Variants in FMN1 observed in about 807,000 individuals in gnomAD.
FMN1 encodes the protein formin 1.
Under a neutral mutation model 132.4 loss-of-function variants are expected in FMN1, and 110 were observed. The observed-to-expected ratio is 0.83, with a 90% CI of 0.71 to 0.97. The LOEUF (loss-of-function observed/expected upper bound fraction) is 0.97, where lower values mean the gene tolerates loss of function less well. Ranked by LOEUF, FMN1 falls within the 50% of genes least tolerant of loss-of-function variation. The probability of loss-of-function intolerance (pLI) is 0.00; values close to 1 mark genes in which losing one functional copy is unlikely to be tolerated. For missense variants in FMN1, 1,792 were observed against 1,705.3 expected (o/e 1.05, Z -0.90); for synonymous variants, 722 against 651.7 (o/e 1.11, Z -1.64).
intron 3 of FMN1, among the ~76,000 whole-genome samples, chr15:33,167,796 A>G (rs1965167848): frequency 6.6e-6 from 1 of 152,204 alleles, no homozygotes; most frequent in Non-Finnish European, 1.5e-5. Flanking sequence ...AAGGGAAAAC[A>G]TATTTATTCT....
At chr15:33,094,420 C>T (rs192038176) in intron 4 of FMN1, among the ~76,000 whole-genome samples, 17 of 152,278 alleles carry the variant, frequency 1.1e-4, no homozygotes, top group East Asian at 1.9e-4. Flanking sequence ...GGCTATTTTT[C>T]TTTTGTCAGA....
rs2057375021 is a variant in FMN1, at chr15:32,798,697, C to T, written c.4130+107G>A. ...AGTCCTTCCCCTATGACCACTTCAT[C>T]CGAAAGAAAACATCGACAGGTGTGA... On this transcript the variant is annotated intron_variant, in intron 19 of 20. Coordinates refer to ENST00000616417, the MANE Select transcript of FMN1 (RefSeq NM_001277313.2). 9.4e-6 allele frequency: 10 copies of T among 1,065,466 alleles called. No individual in the cohort carries two copies. The South Asian group carries it at 1.4e-4, about 15-fold the overall frequency. The allele number at this position is 1,065,466 out of a possible 1,614,324, so 66.0% of individuals were successfully genotyped here.
intron 6 of FMN1, among the ~76,000 whole-genome samples, chr15:33,052,414 T>A (rs985420232): frequency 6.6e-6 from 1 of 152,136 alleles, no homozygotes; most frequent in Non-Finnish European, 1.5e-5. Context: ...CAAATACACG[T>A]GCATGGAATC....
intron 4 of FMN1, 63 bp from the exon 5 acceptor site, chr15:33,089,037 A>G: frequency 1.4e-6 from 2 of 1,401,758 alleles, no homozygotes; most frequent in South Asian, 1.4e-5. Context: ...AAATAAAGCC[A>G]TATTTGGGGA....
intron 6 of FMN1, among the ~76,000 whole-genome samples, chr15:33,050,617 G>C (rs1196542629): frequency 6.6e-6 from 1 of 152,172 alleles, no homozygotes; most frequent in Non-Finnish European, 1.5e-5. Flanking sequence ...TGCTGGTGAA[G>C]TATGAGTAAT....
intron 4 of FMN1, among the ~76,000 whole-genome samples, chr15:33,132,248 A>G (rs185935125): frequency 2.2e-4 from 33 of 152,246 alleles, no homozygotes; most frequent in Admixed American, 2.0e-3. Context: ...AAGCAGCTGA[A>G]TATTTTCAAT....
At chr15:33,116,501 C>T (rs1386808977) in intron 4 of FMN1, among the ~76,000 whole-genome samples, 10 of 152,150 alleles carry the variant, frequency 6.6e-5, no homozygotes, top group African/African-American at 2.2e-4. Context: ...TCATTCTAAG[C>T]CTATTCTTGT....
At chr15:32,943,787 T>G (rs1361759847) in intron 9 of FMN1, among the ~76,000 whole-genome samples, 1 of 152,200 alleles carries the variant, frequency 6.6e-6, no homozygotes, top group African/African-American at 2.4e-5. Context: ...GGCCTTAGGT[T>G]TAATTTTTAT....
At chr15:33,016,757 C>G (rs1335121870) in intron 6 of FMN1, among the ~76,000 whole-genome samples, 1 of 152,206 alleles carries the variant, frequency 6.6e-6, no homozygotes, top group African/African-American at 2.4e-5. Flanking sequence ...TTTTAAGCCT[C>G]ACCCCTCCTT....
At chr15:33,061,192 G>GT (rs1367652626) in intron 6 of FMN1, among the ~76,000 whole-genome samples, 1 of 152,156 alleles carries the variant, frequency 6.6e-6, no homozygotes, top group Non-Finnish European at 1.5e-5. Context: ...ACTAACCACA[G>GT]TAAAACTGAG....
At chr15:33,017,288 C>A (rs574482463) in intron 6 of FMN1, among the ~76,000 whole-genome samples, 1 of 151,954 alleles carries the variant, frequency 6.6e-6, no homozygotes, top group Non-Finnish European at 1.5e-5. Context: ...CAGTACAGAG[C>A]CAATTCTAAT....
intron 20 of FMN1, among the ~76,000 whole-genome samples, chr15:32,776,195 C>T (rs1419995637): frequency 1.3e-5 from 2 of 152,344 alleles, no homozygotes; most frequent in Admixed American, 6.5e-5. Flanking sequence ...ATTTCATTCT[C>T]GGCATCCTGG....
At chr15:32,812,292 C>A (rs1168852631) in intron 17 of FMN1, among the ~76,000 whole-genome samples, 1 of 152,164 alleles carries the variant, frequency 6.6e-6, no homozygotes, top group Non-Finnish European at 1.5e-5. Flanking sequence ...CTGAGGCAAT[C>A]AAACTTACAA....
At chr15:33,016,288 C>T (rs2035042149) in intron 6 of FMN1, among the ~76,000 whole-genome samples, 2 of 152,142 alleles carry the variant, frequency 1.3e-5, no homozygotes, top group African/African-American at 4.8e-5. Flanking sequence ...CCATTTCTAA[C>T]ATTGACAAAA....
intron 11 of FMN1, among the ~76,000 whole-genome samples, chr15:32,909,283 C>A (rs1021814690): frequency 6.6e-6 from 1 of 152,190 alleles, no homozygotes; most frequent in Admixed American, 6.5e-5. Context: ...TACTAAGCAA[C>A]TGTTAAAGAG....
At chr15:33,057,913 G>A (rs1473354153) in intron 6 of FMN1, among the ~76,000 whole-genome samples, 4 of 151,880 alleles carry the variant, frequency 2.6e-5, no homozygotes, top group Admixed American at 1.3e-4. Flanking sequence ...TCTATTTGCT[G>A]AGCTAGTTGA....
At chr15:32,796,538 G>C (rs1276157273) in intron 19 of FMN1, among the ~76,000 whole-genome samples, 1 of 152,116 alleles carries the variant, frequency 6.6e-6, no homozygotes, top group Non-Finnish European at 1.5e-5. Context: ...GGTTTCTGGG[G>C]AAAGTATAAT....
chr15:32,817,789 C>T (rs1161807433), intron 17 of FMN1, among the ~76,000 whole-genome samples: 1 of 152,180 alleles, frequency 6.6e-6, no homozygotes, highest in African/African-American at 2.4e-5. Context: ...ATCAGAATTC[C>T]AGGTGGAATC....
intron 4 of FMN1, among the ~76,000 whole-genome samples, chr15:33,111,947 A>G (rs1481637238): frequency 1.3e-5 from 2 of 152,188 alleles, no homozygotes; most frequent in African/African-American, 4.8e-5. Flanking sequence ...CATGTGTATT[A>G]TATCTTAATA....
Sources: gnomAD v4.1 joint callset for allele counts (sites outside exome capture counted in the v4.1 genomes callset) on GRCh38, gnomAD v4.1.1 for gene constraint, MANE v1.5 for transcripts, NCBI Gene and HGNC (gene_info 2026-07-23, HGNC 2026-07-21) for gene names.